SLC43A2: variants seen among roughly 807,000 people sequenced by gnomAD.
The protein encoded by SLC43A2 is large neutral amino acids transporter small subunit 4.
SLC43A2 carries 38 observed loss-of-function variants against 63.2 expected under a neutral mutation model. The observed-to-expected ratio is 0.60, with a 90% CI of 0.46 to 0.79. The LOEUF is 0.79. SLC43A2 is among the 30% of genes least tolerant of loss of function. The pLI is 0.00. For synonymous variants in SLC43A2, 322 were observed against 331.0 expected (o/e 0.97, Z 0.30); for missense variants, 644 against 756.2 (o/e 0.85, Z 1.74).
rs769009243 is a variant in SLC43A2 at position 1,591,727 on chromosome 17, G to C, written c.595-28C>G. 439 of 968,410 alleles carry C rather than the reference G, an allele frequency of 4.5e-4. 15 individuals carry two copies. The highest frequency in any genetic ancestry group is 1.6e-3 in the Middle Eastern group (5 of 3,068). 60.0% of individuals were successfully genotyped at this position (968,410 alleles called of 1,614,324 possible). Reference sequence around the variant, plus strand: ...GACAGGCACCGCGGGGACGGGGTGGGGGGGGGAGGGGGCAGAGTTAGCCCG... The same window carrying C: ...GACAGGCACCGCGGGGACGGGGTGGCGGGGGGAGGGGGCAGAGTTAGCCCG... On this transcript the variant is annotated intron_variant, in intron 6 of 13. Transcript: ENST00000301335.
rs143248942 is a variant in SLC43A2, at chr17:1,599,561, C to T, written c.502-6282G>A. Among the ~76,000 whole-genome samples the T allele has an allele frequency of 6.0e-3, 891 of 149,688 alleles. 10 individuals carry two copies. Among genetic ancestry groups the T allele is most frequent in the African/African-American group, 0.021 (833 of 40,628 alleles). ...CCAAAAATAAAGAAAATTAGCTGGG[C>T]GTGGTGGCAGGCACCTGTAGTCCCA... On this transcript the variant is annotated intron_variant, in intron 5 of 13. Coordinates refer to ENST00000301335, the MANE Select transcript of SLC43A2 (RefSeq NM_152346.3).
intron 2 of SLC43A2, among the ~76,000 whole-genome samples, chr17:1,626,646 CCCAGCATGAG>C (rs1463667306): frequency 6.6e-6 from 1 of 152,154 alleles, no homozygotes; most frequent in African/African-American, 2.4e-5. Context: ...AAGGATTACA[CCCAGCATGAG>C]CTGGTCCAAA....
In SLC43A2 at chr17:1,598,760, G is replaced by A. The variant is rs1273024257; in HGVS notation, c.502-5481C>T. Reference sequence around the variant, plus strand: ...TTCTGGAGTCTTCTCCCCAGCACTAGATCCAGGATGGGGAAGAGCAGAACC... The same window carrying A: ...TTCTGGAGTCTTCTCCCCAGCACTAAATCCAGGATGGGGAAGAGCAGAACC... On this transcript the variant is annotated intron_variant, in intron 5 of 13. Transcript: ENST00000301335. Among the ~76,000 whole-genome samples the A allele has an allele frequency of 2.0e-5, 3 of 152,114 alleles. No individual in the cohort carries two copies. In the East Asian group the frequency reaches 5.8e-4, roughly 29 times the overall value.
chr17:1,619,373 G>A (rs1330028635), intron 2 of SLC43A2, among the ~76,000 whole-genome samples: 1 of 152,190 alleles, frequency 6.6e-6, no homozygotes, highest in Non-Finnish European at 1.5e-5. Flanking sequence ...GATCGAGAGA[G>A]GAATCAACAG....
chr17:1,626,510 G>A (rs1169441268), intron 2 of SLC43A2, among the ~76,000 whole-genome samples: 3 of 152,084 alleles, frequency 2.0e-5, no homozygotes, highest in Non-Finnish European at 4.4e-5. Flanking sequence ...TCCTCTCCCC[G>A]CGGCCTCTGC....
At chr17:1,576,276 G>T (rs2075928954) in intron 13 of SLC43A2, among the ~76,000 whole-genome samples, 1 of 151,936 alleles carries the variant, frequency 6.6e-6, no homozygotes, top group South Asian at 2.1e-4. Flanking sequence ...TAGAGACCTG[G>T]TTTCACCATG....
intron 6 of SLC43A2, among the ~76,000 whole-genome samples, chr17:1,592,960 G>A (rs1904958755): frequency 6.6e-6 from 1 of 152,202 alleles, no homozygotes; most frequent in Admixed American, 6.5e-5. Flanking sequence ...GCCCCGAAAT[G>A]CAAAGGCACC....
At position 1,604,822 on chromosome 17, in the gene SLC43A2, T is replaced by C. The variant is rs991541492; in HGVS notation, c.501+8373A>G. 1.2e-5 allele frequency: 18 copies of C among 1,535,628 alleles called. No individual in the cohort carries two copies. The Admixed American group carries it at 2.0e-4, about 17-fold the overall frequency. ...GCTTGCATTTGCCTGTGGACTCCCGTAGGTCATCCTGACATCTGGGTCACT... is the reference window on the plus strand; with the variant it reads ...GCTTGCATTTGCCTGTGGACTCCCGCAGGTCATCCTGACATCTGGGTCACT... On this transcript the variant is annotated intron_variant, in intron 5 of 13. Transcript: ENST00000301335.
At chr17:1,581,952 A>G (rs537552052) in intron 11 of SLC43A2, among the ~76,000 whole-genome samples, 56 of 150,372 alleles carry the variant, frequency 3.7e-4, no homozygotes, top group Admixed American at 1.0e-3. Context: ...GATTACAGGC[A>G]TGTGCCACCA....
rs2075967647 is a variant in SLC43A2, at chr17:1,578,594, C to G, written c.1351-271G>C. The G allele has an allele frequency of 1.6e-5, 7 of 424,284 alleles. No individual in the cohort carries two copies. The East Asian group carries it at 2.7e-4, about 16-fold the overall frequency. 26.3% of individuals were successfully genotyped at this position (424,284 alleles called of 1,614,324 possible). ...CCAGGCTGGAGTGCAGTGGCGTGAT[C>G]TTGGCTCACTGCAAGCTTCGCCTCC... is the stretch of plus-strand genomic sequence containing the variant. On this transcript the variant is annotated intron_variant, in intron 11 of 13. Transcript: ENST00000301335. The surrounding 1 kb of genome is among the most constrained non-coding windows in gnomAD (Gnocchi z 6.5).
Position 1,578,216 on chromosome 17 carries a change from G to A in SLC43A2, c.1424+34C>T, listed in dbSNP as rs751373165. 1.2e-5 allele frequency: 19 copies of A among 1,605,588 alleles called. No homozygotes were observed. The highest frequency in any genetic ancestry group is 6.7e-5 in the African/African-American group (5 of 74,778). Reference sequence around the variant, plus strand: ...TCCCCCCGGCCATTCCCACACCCTCGCCCACCAGGCCACCTGCGGCTTCCA... The same window carrying A: ...TCCCCCCGGCCATTCCCACACCCTCACCCACCAGGCCACCTGCGGCTTCCA... On this transcript the variant is annotated intron_variant, in intron 12 of 13. Transcript: ENST00000301335. The surrounding 1 kb of genome is among the most constrained non-coding windows in gnomAD (Gnocchi z 6.5).
chr17:1,598,119 CAAAG>C (rs56678559), intron 5 of SLC43A2, among the ~76,000 whole-genome samples: 42 of 151,062 alleles, frequency 2.8e-4, no homozygotes, highest in Non-Finnish European at 3.4e-4. Context: ...ACAGCCGGCG[CAAAG>C]AAAGAAAGAA....
intron 4 of SLC43A2, among the ~76,000 whole-genome samples, chr17:1,614,682 G>A (rs1423368095): frequency 1.3e-5 from 2 of 152,142 alleles, no homozygotes; most frequent in Non-Finnish European, 2.9e-5. Flanking sequence ...CCATGCCCCT[G>A]CAGCCGGCCT....
intron 11 of SLC43A2, among the ~76,000 whole-genome samples, chr17:1,579,402 G>A (rs915320306): frequency 2.6e-4 from 39 of 150,002 alleles, no homozygotes; most frequent in African/African-American, 7.8e-4. Flanking sequence ...CGGAGGTTGC[G>A]GTGAGCCGAG....
intron 5 of SLC43A2, chr17:1,604,799 T>C (rs958928256): frequency 2.0e-6 from 3 of 1,535,792 alleles, no homozygotes; most frequent in Non-Finnish European, 8.7e-7. Context: ...TCGGATGGGC[T>C]TGCATTTGCC....
Position 1,583,560 on chromosome 17 carries a change from C to CA in SLC43A2, c.1218-225dup. 1.6e-6 allele frequency: 1 copy of CA among 635,614 alleles called. No individual in the cohort carries two copies. Among genetic ancestry groups the CA allele is most frequent in the Non-Finnish European group, 2.6e-6 (1 of 385,626 alleles). 39.4% of individuals were successfully genotyped at this position (635,614 alleles called of 1,614,324 possible). A position where few individuals can be genotyped will look rare whatever the true frequency, so the allele number is the denominator to read the frequency against. ...TGACTCTCGGAGGGGGTCTCGGGTACAAGAAGATGGCCATCCATATGCTGC... is the reference window on the plus strand; with the variant it reads ...TGACTCTCGGAGGGGGTCTCGGGTACAAAGAAGATGGCCATCCATATGCTGC... On this transcript the variant is annotated intron_variant, in intron 10 of 13. Transcript: ENST00000301335. The surrounding 1 kb of genome is among the most constrained non-coding windows in gnomAD (Gnocchi z 5.5).
intron 6 of SLC43A2, 82 bp from the exon 7 acceptor site, chr17:1,591,781 C>A: frequency 9.3e-7 from 1 of 1,077,234 alleles, no homozygotes; most frequent in Non-Finnish European, 1.4e-6. Context: ...CAGGCAGGGG[C>A]GTCTGGCCAC....
In SLC43A2 at chr17:1,577,476, C is replaced by A. The variant is rs2075951929; in HGVS notation, c.1425-756G>T. Among the ~76,000 whole-genome samples, 1 of 152,180 alleles carries A rather than the reference C, an allele frequency of 6.6e-6. No homozygotes were observed. The highest frequency in any genetic ancestry group is 6.5e-5 in the Admixed American group (1 of 15,278). ...AGCTTCCTCCAGGCCTGGGGAGGGG[C>A]AGGCGGAGGGCAAGCGGAGCTGGGA... On this transcript the variant is annotated intron_variant, in intron 12 of 13. Transcript: ENST00000301335. The surrounding 1 kb of genome is among the most constrained non-coding windows in gnomAD (Gnocchi z 4.9).
intron 2 of SLC43A2, among the ~76,000 whole-genome samples, chr17:1,623,664 G>A (rs886725145): frequency 7.7e-5 from 11 of 141,962 alleles, no homozygotes; most frequent in Non-Finnish European, 1.4e-4. Context: ...CCTCCAGGGC[G>A]TACCCTCCTC....
Sources: allele counts gnomAD v4.1 joint callset (sites outside exome capture counted in the v4.1 genomes callset), GRCh38; gene constraint gnomAD v4.1.1; non-coding constraint Gnocchi (gnomAD v3.1); transcripts MANE v1.5; gene names NCBI Gene and HGNC (gene_info 2026-07-23, HGNC 2026-07-21).